COBL: variants seen among roughly 807,000 people sequenced by gnomAD.
COBL encodes protein cordon-bleu.
In COBL, 51 loss-of-function variants were observed where a neutral mutation model predicts 98.8. That is an observed-to-expected ratio of 0.52 (90% CI 0.41 to 0.65). COBL has a LOEUF of 0.65. COBL is among the 30% of genes least tolerant of loss of function. The pLI is 0.00. For synonymous variants in COBL, 634 were observed against 651.7 expected (o/e 0.97, Z 0.41); for missense variants, 1,617 against 1,617.5 (o/e 1.00, Z 0.01).
At chr7:51,279,232 A>G (rs1293901629) in intron 1 of COBL, among the ~76,000 whole-genome samples, 1 of 152,258 alleles carries the variant, frequency 6.6e-6, no homozygotes, top group Non-Finnish European at 1.5e-5. Context: ...CCCTGGTCAT[A>G]AGGGATATAA....
intron 6 of COBL, among the ~76,000 whole-genome samples, chr7:51,106,313 C>T (rs1796265107): frequency 1.3e-5 from 2 of 152,000 alleles, no homozygotes; most frequent in South Asian, 4.1e-4. Flanking sequence ...AGTGAATCTT[C>T]CTGTCGAGAA....
At chr7:51,159,002 A>C (rs1786495791) in intron 5 of COBL, among the ~76,000 whole-genome samples, 1 of 152,184 alleles carries the variant, frequency 6.6e-6, no homozygotes, top group African/African-American at 2.4e-5. Context: ...TGGGACTGCC[A>C]GTGTGTGGGA....
At position 51,301,422 on chromosome 7, in the gene COBL, C is replaced by T. The variant is rs73330639; in HGVS notation, c.41+15171G>A. 9.5e-3 allele frequency among the ~76,000 whole-genome samples: 1,445 copies of T among 152,296 alleles called. 27 individuals carry two copies. The highest frequency in any genetic ancestry group is 0.03 in the African/African-American group (1,239 of 41,574). ...GGCCCCCATCACCTGTACCTCAGCGCGGAACTCACAACACAGTGGCACTGC... is the reference window on the plus strand; with the variant it reads ...GGCCCCCATCACCTGTACCTCAGCGTGGAACTCACAACACAGTGGCACTGC... On this transcript the variant is annotated intron_variant, in intron 1 of 12. Coordinates refer to ENST00000265136, the MANE Select transcript of COBL (RefSeq NM_015198.5).
At chr7:51,243,857 C>T (rs372858843) in intron 1 of COBL, among the ~76,000 whole-genome samples, 3 of 151,246 alleles carry the variant, frequency 2.0e-5, no homozygotes, top group Admixed American at 1.3e-4. Flanking sequence ...GTGCACGTGG[C>T]GGGCACCCGT....
chr7:51,083,594 G>T (rs955018645), intron 7 of COBL, among the ~76,000 whole-genome samples: 2 of 152,186 alleles, frequency 1.3e-5, no homozygotes, highest in African/African-American at 4.8e-5. Context: ...TTTTATTAAT[G>T]TTAGTCTTTT....
At chr7:51,131,516 T>G (rs1451674576) in intron 6 of COBL, among the ~76,000 whole-genome samples, 1 of 151,834 alleles carries the variant, frequency 6.6e-6, no homozygotes, top group Non-Finnish European at 1.5e-5. Context: ...AAGAATAATA[T>G]AGAGTATTGT....
At chr7:51,122,850 A>G (rs554987991) in intron 6 of COBL, among the ~76,000 whole-genome samples, 5 of 152,064 alleles carry the variant, frequency 3.3e-5, no homozygotes, top group Non-Finnish European at 7.4e-5. Context: ...ATGGTGGCGC[A>G]TGGCTATAAT....
intron 6 of COBL, among the ~76,000 whole-genome samples, chr7:51,099,624 A>G (rs1795636767): frequency 6.6e-6 from 1 of 152,200 alleles, no homozygotes; most frequent in South Asian, 2.1e-4. Flanking sequence ...AATGGGTATA[A>G]AATTTCAGTT....
At chr7:51,223,413 G>A (rs899504714) in intron 1 of COBL, among the ~76,000 whole-genome samples, 2 of 152,234 alleles carry the variant, frequency 1.3e-5, no homozygotes, top group African/African-American at 4.8e-5. Flanking sequence ...AAACGGCTGT[G>A]TGTTTCCATC....
chr7:51,132,615 G>T (rs1798853638), intron 6 of COBL, among the ~76,000 whole-genome samples: 1 of 152,172 alleles, frequency 6.6e-6, no homozygotes. Context: ...AAGACTTGGT[G>T]TGTTAGTCAG....
At chr7:51,304,006 G>C (rs1296008754) in intron 1 of COBL, among the ~76,000 whole-genome samples, 1 of 152,084 alleles carries the variant, frequency 6.6e-6, no homozygotes, top group Non-Finnish European at 1.5e-5. Context: ...AACGCTGGCG[G>C]CACCTTGAAG....
chr7:51,032,857 C>T (rs1788290296), intron 8 of COBL: 1 of 151,868 alleles, frequency 6.6e-6, no homozygotes, highest in South Asian at 2.1e-4. Context: ...ATGGAAATTG[C>T]CATATAAAAG....
intron 1 of COBL, among the ~76,000 whole-genome samples, chr7:51,230,366 C>T (rs1794630384): frequency 8.5e-5 from 13 of 152,176 alleles, no homozygotes; most frequent in Admixed American, 8.5e-4. Context: ...TCATTGTCAT[C>T]TCTGTCTCTT....
intron 7 of COBL, among the ~76,000 whole-genome samples, chr7:51,075,654 T>C (rs1243097979): frequency 5.9e-5 from 9 of 152,224 alleles, no homozygotes. Context: ...GCTGGCAAAG[T>C]GCTGTTCTGT....
intron 6 of COBL, among the ~76,000 whole-genome samples, chr7:51,089,274 G>A (rs903057492): frequency 6.6e-6 from 1 of 152,148 alleles, no homozygotes; most frequent in Admixed American, 6.5e-5. Flanking sequence ...AGCACTTTGG[G>A]AGGCTGAGGC....
intron 1 of COBL, among the ~76,000 whole-genome samples, chr7:51,248,880 C>T (rs2129134151): frequency 6.6e-6 from 1 of 152,200 alleles, no homozygotes; most frequent in South Asian, 2.1e-4. Flanking sequence ...ACAAAAGTAC[C>T]TCAGATACAA....
chr7:51,226,860 A>C (rs998320397), intron 1 of COBL, among the ~76,000 whole-genome samples: 1 of 152,158 alleles, frequency 6.6e-6, no homozygotes, highest in East Asian at 1.9e-4. Flanking sequence ...TACCCCTGGC[A>C]ACTTCATATG....
intron 1 of COBL, among the ~76,000 whole-genome samples, chr7:51,268,977 G>C (rs1409023447): frequency 6.6e-6 from 1 of 150,580 alleles, no homozygotes; most frequent in African/African-American, 2.4e-5. Flanking sequence ...AGAAGACACA[G>C]CTGGAGCTGG....
At chr7:51,109,312 A>G (rs1477755655) in intron 6 of COBL, among the ~76,000 whole-genome samples, 1 of 152,164 alleles carries the variant, frequency 6.6e-6, no homozygotes, top group African/African-American at 2.4e-5. Flanking sequence ...CCACCCTGTG[A>G]GCTCCAGACA....
Sources: gnomAD v4.1 joint callset for allele counts (sites outside exome capture counted in the v4.1 genomes callset) on GRCh38, gnomAD v4.1.1 for gene constraint, MANE v1.5 for transcripts, NCBI Gene and HGNC (gene_info 2026-07-23, HGNC 2026-07-21) for gene names.